VIPAS39: variants seen among roughly 807,000 people sequenced by gnomAD.
The protein encoded by VIPAS39 is spermatogenesis-defective protein 39 homolog.
VIPAS39 carries 63 observed loss-of-function variants against 84.7 expected under a neutral mutation model. That is an observed-to-expected ratio of 0.74 (90% CI 0.61 to 0.92). The LOEUF (loss-of-function observed/expected upper bound fraction) is 0.92, where lower values mean the gene tolerates loss of function less well. Ranked by LOEUF, VIPAS39 falls within the 40% of genes least tolerant of loss-of-function variation. The pLI is 0.00. For synonymous variants in VIPAS39, 192 were observed against 216.5 expected, an observed-to-expected ratio of 0.89 and a Z score of 0.99; for missense variants, 499 against 604.5, an observed-to-expected ratio of 0.83 and a Z score of 1.83.
intron 6 of VIPAS39, among the ~76,000 whole-genome samples, chr14:77,448,808 A>G (rs1358610153): frequency 6.6e-6 from 1 of 152,224 alleles, no homozygotes; most frequent in South Asian, 2.1e-4. Context: ...CATGCCTACC[A>G]GTTCAGGACT....
At chr14:77,427,792 T>A (rs531066309) in intron 19 of VIPAS39, among the ~76,000 whole-genome samples, 156 bp from the exon 20 acceptor site, 41 of 152,340 alleles carry the variant, frequency 2.7e-4, no homozygotes, top group Non-Finnish European at 5.4e-4. Flanking sequence ...AGAAATTTTT[T>A]AAAATATATG....
chr14:77,427,362 T>C lies in VIPAS39; in HGVS notation c.*254A>G. ...ACCCAGTAGGGGCCCAATCTAGAAA[T>C]CACTCCCACCTTCATATGAGCACCA... On this transcript the variant is annotated 3_prime_UTR_variant, in exon 20 of 20. Transcript: ENST00000557658. 1 of 550,616 alleles carries C rather than the reference T, an allele frequency of 1.8e-6. No homozygotes were observed. Among genetic ancestry groups the C allele is most frequent in the Non-Finnish European group, 3.2e-6 (1 of 307,956 alleles). 34.1% of individuals were successfully genotyped at this position (550,616 alleles called of 1,614,324 possible).
chr14:77,449,600 G>C, intron 5 of VIPAS39, 114 bp downstream of exon 5: 1 of 1,413,300 alleles, frequency 7.1e-7, no homozygotes, highest in Admixed American at 1.7e-5. Context: ...AATGACAGTA[G>C]ATGCAGAAGA....
Position 77,443,403 on chromosome 14 carries a change from T to C in VIPAS39, c.598-251A>G, listed in dbSNP as rs560080766. Among the ~76,000 whole-genome samples the C allele has an allele frequency of 2.4e-3, 363 of 152,318 alleles. 1 individual carries two copies. Among genetic ancestry groups the C allele is most frequent in the African/African-American group, 7.8e-3 (326 of 41,574 alleles). On this transcript the variant is annotated intron_variant, in intron 8 of 19. Transcript: ENST00000557658. ...ACGCTCACATCTCTTCTCCCTCAGA[T>C]TGTTTTATATAACACATAGTAGCCA... is the stretch of plus-strand genomic sequence containing the variant.
chr14:77,455,191 T>G (rs1214137060), intron 1 of VIPAS39, among the ~76,000 whole-genome samples: 2 of 152,222 alleles, frequency 1.3e-5, no homozygotes, highest in African/African-American at 4.8e-5. Flanking sequence ...TGCCCTAGAA[T>G]TACAAACTAG....
chr14:77,427,853 AAG>A (rs2078454668), intron 19 of VIPAS39, among the ~76,000 whole-genome samples: 2 of 152,210 alleles, frequency 1.3e-5, no homozygotes, highest in African/African-American at 4.8e-5. Flanking sequence ...TGTATTTTAC[AAG>A]CCTAATTTTG....
In VIPAS39 at chr14:77,427,831, A is replaced by G. The variant is rs991968354; in HGVS notation, c.1462-195T>C. Among the ~76,000 whole-genome samples the G allele has an allele frequency of 2.0e-5, 3 of 152,220 alleles. No homozygotes were observed. The East Asian group carries it at 5.8e-4, about 29-fold the overall frequency. On this transcript the variant is annotated intron_variant, in intron 19 of 19. Coordinates refer to ENST00000557658, the MANE Select transcript of VIPAS39 (RefSeq NM_001193315.2). ...GAGTTCATTTATTCAAAGATGCATT[A>G]AACACCTATTTTGTATTTTACAAGC...
At chr14:77,439,612 C>A (rs1594904782) in intron 11 of VIPAS39, among the ~76,000 whole-genome samples, 1 of 152,032 alleles carries the variant, frequency 6.6e-6, no homozygotes, top group South Asian at 2.1e-4. Flanking sequence ...CAAAGTGAGA[C>A]CCCCGTCTCT....
At chr14:77,445,218 C>A (rs1411210577) in intron 7 of VIPAS39, among the ~76,000 whole-genome samples, 2 of 152,114 alleles carry the variant, frequency 1.3e-5, no homozygotes, top group African/African-American at 4.8e-5. Context: ...CTCAGCCTCC[C>A]AAGGTGCTGG....
At chr14:77,439,127 T>G (rs1324406521) in intron 11 of VIPAS39, among the ~76,000 whole-genome samples, 1 of 152,170 alleles carries the variant, frequency 6.6e-6, no homozygotes. Flanking sequence ...ACACTAAAAG[T>G]GTACTATCAG....
chr14:77,427,344 A>C lies in VIPAS39; in HGVS notation c.*272T>G. 1.4e-5 allele frequency: 7 copies of C among 511,794 alleles called. No individual in the cohort carries two copies. Among genetic ancestry groups the C allele is most frequent in the Admixed American group, 3.3e-5 (1 of 30,734 alleles). The allele number at this position is 511,794 out of a possible 1,614,324, so 31.7% of individuals were successfully genotyped here. On this transcript the variant is annotated 3_prime_UTR_variant, in exon 20 of 20. Transcript: ENST00000557658. ...CAGACCAAGTGAGATCTTACCCAGTAGGGGCCCAATCTAGAAATCACTCCC... is the reference window on the plus strand; with the variant it reads ...CAGACCAAGTGAGATCTTACCCAGTCGGGGCCCAATCTAGAAATCACTCCC...
At chr14:77,452,164 T>C (rs866848010) in intron 3 of VIPAS39, among the ~76,000 whole-genome samples, 1 of 152,214 alleles carries the variant, frequency 6.6e-6, no homozygotes, top group Non-Finnish European at 1.5e-5. Flanking sequence ...GAACACTCTT[T>C]ATATACTGAC....
chr14:77,451,412 A>G (rs1465797735), intron 3 of VIPAS39, 79 bp from the exon 4 acceptor site: 3 of 1,610,474 alleles, frequency 1.9e-6, no homozygotes, highest in Non-Finnish European at 2.5e-6. Flanking sequence ...AAACTCTAAA[A>G]GCTTTTCACC....
chr14:77,447,233 C>T (rs897395526), intron 7 of VIPAS39, among the ~76,000 whole-genome samples: 2 of 152,026 alleles, frequency 1.3e-5, no homozygotes, highest in Non-Finnish European at 2.9e-5. Flanking sequence ...CCATGTTGGT[C>T]AGGCTGGTCT....
Position 77,454,122 on chromosome 14 carries a change from T to TA in VIPAS39, c.1-21dup. 2 of 1,611,154 alleles carry TA rather than the reference T, an allele frequency of 1.2e-6. No individual in the cohort carries two copies. Among genetic ancestry groups the TA allele is most frequent in the Non-Finnish European group, 1.7e-6 (2 of 1,177,294 alleles). Reference sequence around the variant, plus strand: ...ATTCATCTACAGTGACAGGAAAACATACATTGCCCCTTTCTGGGTCTCTCC... The same window carrying TA: ...ATTCATCTACAGTGACAGGAAAACATAACATTGCCCCTTTCTGGGTCTCTCC... On this transcript the variant is annotated intron_variant, in intron 1 of 19. Coordinates refer to ENST00000557658, the MANE Select transcript of VIPAS39 (RefSeq NM_001193315.2).
chr14:77,433,748 T>G, intron 16 of VIPAS39, 94 bp downstream of exon 16: 1 of 1,343,164 alleles, frequency 7.4e-7, no homozygotes. Flanking sequence ...AATAAAAAGT[T>G]GGAGGAAAAA....
intron 11 of VIPAS39, among the ~76,000 whole-genome samples, chr14:77,439,126 G>A (rs78511967): frequency 0.029 from 4,481 of 152,216 alleles, 215 homozygotes; most frequent in African/African-American, 0.1. Flanking sequence ...TACACTAAAA[G>A]TGTACTATCA....
rs1442597044 is a variant in VIPAS39, at chr14:77,435,967, A to C, written c.837-48T>G. The C allele has an allele frequency of 1.3e-6, 2 of 1,595,194 alleles. 1 individual carries two copies. Among genetic ancestry groups the C allele is most frequent in the South Asian group, 2.2e-5 (2 of 90,654 alleles). On this transcript the variant is annotated intron_variant, in intron 12 of 19. Transcript: ENST00000557658. ...GTACCTTTCTCTATTCAAACAAGGA[A>C]ACAAACCCAACTAAACCAAATCGCC...
chr14:77,443,108 G>T lies in VIPAS39; in HGVS notation c.631+11C>A, dbSNP rs1481542961. 2 of 1,614,060 alleles carry T rather than the reference G, an allele frequency of 1.2e-6. No individual in the cohort carries two copies. The highest frequency in any genetic ancestry group is 1.7e-6 in the Non-Finnish European group (2 of 1,180,032). ...CTTGCTGACTGAAGATTTCCTGCAA[G>T]CCATTCTCACCTTTGCTCAGTGTCC... On this transcript the variant is annotated intron_variant, in intron 9 of 19. Transcript: ENST00000557658.
Sources: gnomAD v4.1 joint callset for allele counts (sites outside exome capture counted in the v4.1 genomes callset) on GRCh38, gnomAD v4.1.1 for gene constraint, MANE v1.5 for transcripts, NCBI Gene and HGNC (gene_info 2026-07-23, HGNC 2026-07-21) for gene names.